NEDD4L: variants seen among roughly 807,000 people sequenced by gnomAD.
The protein encoded by NEDD4L is E3 ubiquitin-protein ligase NEDD4-like.
Under a neutral mutation model 148.9 loss-of-function variants are expected in NEDD4L, and 54 were observed. The ratio of observed to expected loss-of-function variants is 0.36; its 90% confidence interval spans 0.29 to 0.45. The LOEUF is 0.45. NEDD4L is among the 20% of genes least tolerant of loss of function. NEDD4L has a pLI of 1.00. For missense variants in NEDD4L, 856 were observed against 1,233.8 expected (o/e 0.69, Z 4.59); for synonymous variants, 433 against 440.7 (o/e 0.98, Z 0.22).
At chr18:58,305,932 A>G (rs1298333198) in intron 5 of NEDD4L, among the ~76,000 whole-genome samples, 1 of 152,166 alleles carries the variant, frequency 6.6e-6, no homozygotes, top group African/African-American at 2.4e-5. Flanking sequence ...AACCTAGTTA[A>G]TAGTTTGACT....
At chr18:58,328,732 T>G (rs2059535285) in intron 9 of NEDD4L, among the ~76,000 whole-genome samples, 1 of 152,222 alleles carries the variant, frequency 6.6e-6, no homozygotes, top group Admixed American at 6.5e-5. Context: ...CTGAGGTATA[T>G]TTTGAAATGT....
rs145955322 is a variant in NEDD4L at position 58,324,056 on chromosome 18, C to A, written c.513+722C>A. On this transcript the variant is annotated intron_variant, in intron 8 of 30. Transcript: ENST00000400345. ...TGTGTGGAGAAGTTACCCGAACACT[C>A]CTCCGCCTGAGAGATCATATTTCCA... Among the ~76,000 whole-genome samples, 31 of 152,354 alleles carry A rather than the reference C, an allele frequency of 2.0e-4. No individual in the cohort carries two copies. The East Asian group carries it at 3.5e-3, about 17-fold the overall frequency.
chr18:58,130,956 T>C (rs897443964), intron 1 of NEDD4L, among the ~76,000 whole-genome samples: 3 of 140,614 alleles, frequency 2.1e-5, no homozygotes, highest in African/African-American at 8.1e-5. Flanking sequence ...GGTTGTGATC[T>C]AGCAGAACTG....
chr18:58,375,037 C>G (rs1198724828), intron 24 of NEDD4L, among the ~76,000 whole-genome samples: 2 of 152,178 alleles, frequency 1.3e-5, no homozygotes. Context: ...CCTCCCCAGC[C>G]CCCACATCGG....
intron 1 of NEDD4L, among the ~76,000 whole-genome samples, chr18:58,079,411 TCA>T (rs2083324989): frequency 6.6e-6 from 1 of 152,172 alleles, no homozygotes; most frequent in Non-Finnish European, 1.5e-5. Flanking sequence ...TAACAAACAC[TCA>T]CAGTGTACTT....
chr18:58,104,296 T>C (rs1348584170), intron 1 of NEDD4L, among the ~76,000 whole-genome samples: 1 of 152,214 alleles, frequency 6.6e-6, no homozygotes, highest in Non-Finnish European at 1.5e-5. Context: ...GTTTGGTTTC[T>C]AAGATCACAG....
rs1265428529 is a variant in NEDD4L at position 58,316,015 on chromosome 18, C to G, written c.331C>G (p.Pro111Ala). Residue 111 changes from proline to alanine, a missense_variant, in exon 6 of 31, where the codon CCC becomes GCC. Pro to Ala is a conservative substitution (Grantham distance 27). Coordinates refer to ENST00000400345, the MANE Select transcript of NEDD4L (RefSeq NM_001144967.3). ...CGACTTCCTGGGCCAGGTGGACGTG[C>G]CCCTTAGTCACCTTCCGGTAAGGAC... is the stretch of plus-strand genomic sequence containing the variant. ...RDDFLGQVDV[P>A]LSHLPTEDPT... is the part of the protein sequence containing the mutation. 1 of 1,613,382 alleles carries G rather than the reference C, an allele frequency of 6.2e-7. No individual in the cohort carries two copies. Among genetic ancestry groups the G allele is most frequent in the Non-Finnish European group, 8.5e-7 (1 of 1,179,438 alleles).
Position 58,147,880 on chromosome 18 carries a change from T to C in NEDD4L, c.49-17908T>C, listed in dbSNP as rs2034262577. Among the ~76,000 whole-genome samples the C allele has an allele frequency of 2.0e-5, 3 of 152,276 alleles. No individual in the cohort carries two copies. In the South Asian group the frequency reaches 6.2e-4, roughly 32 times the overall value. On this transcript the variant is annotated intron_variant, in intron 1 of 30. Transcript: ENST00000400345. Reference sequence around the variant, plus strand: ...TCTCATCCATTCTTCCAGGGCACCTTACTGTCCCCCAAAGCCCCAGTGACT... The same window carrying C: ...TCTCATCCATTCTTCCAGGGCACCTCACTGTCCCCCAAAGCCCCAGTGACT...
rs2050585665 is a variant in NEDD4L at position 58,397,731 on chromosome 18, T to C, written c.*1462T>C. The C allele has an allele frequency of 6.6e-6, 1 of 152,670 alleles. No homozygotes were observed. Among genetic ancestry groups the C allele is most frequent in the South Asian group, 2.1e-4 (1 of 4,834 alleles). 9.5% of individuals were successfully genotyped at this position (152,670 alleles called of 1,614,324 possible). On this transcript the variant is annotated 3_prime_UTR_variant, in exon 31 of 31. Coordinates refer to ENST00000400345, the MANE Select transcript of NEDD4L (RefSeq NM_001144967.3). ...AGGGTACCTGCACAGTTTGATTCTT[T>C]TCCACGTGTAAGTCTCCATTGCAGA...
chr18:58,329,911 T>A (rs892164954), intron 10 of NEDD4L, among the ~76,000 whole-genome samples: 5 of 152,230 alleles, frequency 3.3e-5, no homozygotes, highest in African/African-American at 1.2e-4. Flanking sequence ...ATAGTTGAGC[T>A]GTTGAATGAG....
rs912887990 is a variant in NEDD4L, at chr18:58,238,990, T to C, written c.123-6437T>C. ...GTTTATAAATGTTTTATAAGTGTTA[T>C]TACTTTATTGAGGATAGAAATTATT... On this transcript the variant is annotated intron_variant, in intron 2 of 30. Coordinates refer to ENST00000400345, the MANE Select transcript of NEDD4L (RefSeq NM_001144967.3). 5.9e-5 allele frequency among the ~76,000 whole-genome samples: 9 copies of C among 152,374 alleles called. No individual in the cohort carries two copies. In the South Asian group the frequency reaches 1.0e-3, roughly 18 times the overall value.
chr18:58,173,567 C>T (rs2037757692), intron 2 of NEDD4L, among the ~76,000 whole-genome samples: 1 of 152,192 alleles, frequency 6.6e-6, no homozygotes, highest in Non-Finnish European at 1.5e-5. Flanking sequence ...GTGAGGATAG[C>T]TCTTTGACAC....
At chr18:58,109,568 TTTTG>T (rs773715317) in intron 1 of NEDD4L, among the ~76,000 whole-genome samples, 2 of 130,172 alleles carry the variant, frequency 1.5e-5, no homozygotes, top group African/African-American at 5.4e-5. Flanking sequence ...GAGGTTTTTT[TTTTG>T]TTTTTTTTTT....
intron 1 of NEDD4L, among the ~76,000 whole-genome samples, chr18:58,118,728 A>G (rs911433848): frequency 2.0e-5 from 3 of 152,190 alleles, no homozygotes; most frequent in Admixed American, 2.0e-4. Context: ...TAGAGCGAAG[A>G]GAAGCCCATC....
chr18:58,136,815 A>G (rs141839900), intron 1 of NEDD4L, among the ~76,000 whole-genome samples: 6 of 152,314 alleles, frequency 3.9e-5, no homozygotes, highest in African/African-American at 1.4e-4. Context: ...AAAAGGTACA[A>G]TCCAGAACTG....
intron 5 of NEDD4L, among the ~76,000 whole-genome samples, chr18:58,260,595 T>TTA (rs2049236035): frequency 6.6e-6 from 1 of 152,252 alleles, no homozygotes. Context: ...GATACCGTTG[T>TTA]TAGGTGTAAT....
intron 5 of NEDD4L, among the ~76,000 whole-genome samples, chr18:58,262,846 G>A (rs1216998856): frequency 6.6e-6 from 1 of 152,166 alleles, no homozygotes; most frequent in Non-Finnish European, 1.5e-5. Flanking sequence ...GTCCTGGCTG[G>A]TTTCATGCCA....
intron 2 of NEDD4L, among the ~76,000 whole-genome samples, chr18:58,223,501 A>G (rs894032719): frequency 6.6e-5 from 10 of 151,996 alleles, no homozygotes; most frequent in Non-Finnish European, 1.2e-4. Context: ...TGTGGTCTTG[A>G]CGGTTCTGTT....
At chr18:58,318,720 A>G (rs571393099) in intron 6 of NEDD4L, among the ~76,000 whole-genome samples, 3 of 152,234 alleles carry the variant, frequency 2.0e-5, no homozygotes, top group Admixed American at 6.5e-5. Flanking sequence ...CGATAAAGAG[A>G]ACTCTGAGAT....
Sources: allele counts gnomAD v4.1 joint callset (sites outside exome capture counted in the v4.1 genomes callset), GRCh38; gene constraint gnomAD v4.1.1; transcripts MANE v1.5; gene names NCBI Gene and HGNC (gene_info 2026-07-23, HGNC 2026-07-21).